Variants in OGDH observed in about 807,000 individuals in gnomAD.
OGDH encodes 2-oxoglutarate dehydrogenase complex component E1.
In OGDH, 38 loss-of-function variants were observed where a neutral mutation model predicts 116.6. The ratio of observed to expected loss-of-function variants is 0.33; its 90% CI spans 0.25 to 0.43. The LOEUF is 0.43. OGDH is among the 20% of genes least tolerant of loss of function. The pLI is 1.00. For synonymous variants in OGDH, 488 were observed against 533.3 expected (o/e 0.92, Z 1.17); for missense variants, 825 against 1,357.2 (o/e 0.61, Z 6.16).
intron 19 of OGDH, among the ~76,000 whole-genome samples, chr7:44,701,265 G>A (rs1006101392): frequency 2.6e-5 from 4 of 152,202 alleles, no homozygotes; most frequent in African/African-American, 9.7e-5. Context: ...CTCTTTCCTA[G>A]GTACAGAGAA....
At chr7:44,650,530 A>T (rs1355828061) in intron 4 of OGDH, among the ~76,000 whole-genome samples, 1 of 152,196 alleles carries the variant, frequency 6.6e-6, no homozygotes. Context: ...ACTATGCTCC[A>T]AGTGGGCTTA....
In OGDH at chr7:44,697,535, C is replaced by T; in HGVS notation, c.2179+38C>T. 1.2e-6 allele frequency: 2 copies of T among 1,613,256 alleles called. No homozygotes were observed. The highest frequency in any genetic ancestry group is 2.2e-5 in the East Asian group (1 of 44,846). On this transcript the variant is annotated intron_variant, in intron 16 of 22. Transcript: ENST00000222673. The surrounding 1 kb of genome is among the most constrained non-coding windows in gnomAD (Gnocchi z 6.0). ...AGCCACACCACCAGGGCCTGTCACC[C>T]ACCCACCCCCGCTGGGCCTACTGGC... is the stretch of plus-strand genomic sequence containing the variant.
At chr7:44,693,738 C>T (rs937826466) in intron 10 of OGDH, 87 bp from the exon 11 acceptor site, 86 of 1,232,106 alleles carry the variant, frequency 7.0e-5, no homozygotes, top group Middle Eastern at 6.1e-4. Flanking sequence ...ATGGCAAGTG[C>T]ATGCCATGCC....
At chr7:44,621,354 A>T (rs1320122063) in intron 1 of OGDH, among the ~76,000 whole-genome samples, 1 of 152,236 alleles carries the variant, frequency 6.6e-6, no homozygotes, top group Non-Finnish European at 1.5e-5. Flanking sequence ...GATTATAGGC[A>T]TGAGCCACCG....
chr7:44,611,326 T>C (rs1314740777), intron 1 of OGDH, among the ~76,000 whole-genome samples: 1 of 152,206 alleles, frequency 6.6e-6, no homozygotes, highest in Non-Finnish European at 1.5e-5. Context: ...TGGAGTGCAG[T>C]GGCACGATCT....
intron 2 of OGDH, among the ~76,000 whole-genome samples, chr7:44,639,510 T>C (rs1562630962): frequency 1.3e-5 from 2 of 149,394 alleles, no homozygotes; most frequent in South Asian, 4.2e-4. Context: ...CCTTTTTGAA[T>C]AAATAAACTT....
At chr7:44,646,459 G>A (rs1358129498) in intron 3 of OGDH, among the ~76,000 whole-genome samples, 7 of 152,218 alleles carry the variant, frequency 4.6e-5, no homozygotes. Context: ...TCTCTCCCTG[G>A]GGCAAGTGTA....
intron 2 of OGDH, among the ~76,000 whole-genome samples, chr7:44,631,178 T>G (rs1785425184): frequency 6.6e-6 from 1 of 152,210 alleles, no homozygotes; most frequent in Non-Finnish European, 1.5e-5. Flanking sequence ...AATCCACGTT[T>G]GGTTGAATCC....
At chr7:44,639,054 C>G (rs1289410034) in intron 2 of OGDH, among the ~76,000 whole-genome samples, 1 of 152,100 alleles carries the variant, frequency 6.6e-6, no homozygotes, top group Non-Finnish European at 1.5e-5. Flanking sequence ...GACAAACATC[C>G]CATGGAAAGA....
At chr7:44,614,335 T>C (rs1376130671) in intron 1 of OGDH, among the ~76,000 whole-genome samples, 2 of 150,804 alleles carry the variant, frequency 1.3e-5, no homozygotes, top group African/African-American at 4.9e-5. Context: ...TTGTATTGAG[T>C]TTTCTGAATT....
At chr7:44,664,839 G>A (rs1464256979) in intron 4 of OGDH, among the ~76,000 whole-genome samples, 1 of 152,174 alleles carries the variant, frequency 6.6e-6, no homozygotes, top group African/African-American at 2.4e-5. Context: ...AGGCTCAGCA[G>A]TATAGCCCAA....
Position 44,616,798 on chromosome 7 carries a change from T to TGTATATATAC in OGDH, c.-27-7519_-27-7518insGTATATATAC, listed in dbSNP as rs1784802771. On this transcript the variant is annotated intron_variant, in intron 1 of 22. Coordinates refer to ENST00000222673, the MANE Select transcript of OGDH (RefSeq NM_002541.4). Reference sequence around the variant, plus strand: ...ATGTGTATATGCATATATATATGTGTATATATATGCATATATACGTATATA... The same window carrying TGTATATATAC: ...ATGTGTATATGCATATATATATGTGTGTATATATACATATATATGCATATATACGTATATA... Among the ~76,000 whole-genome samples, 18 of 102,902 alleles carry TGTATATATAC rather than the reference T, an allele frequency of 1.7e-4. 1 individual carries two copies. In the South Asian group the frequency reaches 6.9e-3, roughly 39 times the overall value. 67.5% of individuals were successfully genotyped at this position (102,902 alleles called of 152,430 possible).
chr7:44,676,310 C>T (rs1787691687), intron 9 of OGDH, 161 bp downstream of exon 9: 2 of 1,481,984 alleles, frequency 1.3e-6, no homozygotes, highest in Non-Finnish European at 1.8e-6. Flanking sequence ...AATCCCAGCA[C>T]TTTGGGAGGC....
At chr7:44,687,659 G>T (rs1259662299) in intron 10 of OGDH, among the ~76,000 whole-genome samples, 6 of 152,014 alleles carry the variant, frequency 3.9e-5, no homozygotes, top group African/African-American at 1.5e-4. Context: ...CTGAGTTCAA[G>T]TGATCCACCC....
intron 2 of OGDH, among the ~76,000 whole-genome samples, chr7:44,636,003 G>C (rs759647224): frequency 1.3e-5 from 2 of 152,128 alleles, no homozygotes; most frequent in Non-Finnish European, 2.9e-5. Flanking sequence ...ACACCTGGCC[G>C]GACTTTATAA....
intron 5 of OGDH, among the ~76,000 whole-genome samples, chr7:44,670,454 A>G (rs944009377): frequency 6.6e-6 from 1 of 152,266 alleles, no homozygotes; most frequent in African/African-American, 2.4e-5. Flanking sequence ...CAAAGAGGGT[A>G]GGTCCTCTTT....
rs1406715251 is a variant in OGDH, at chr7:44,707,302, T to G, written c.2710T>G (p.Cys904Gly). 1 of 1,614,290 alleles carries G rather than the reference T, an allele frequency of 6.2e-7. No individual in the cohort carries two copies. Among genetic ancestry groups the G allele is most frequent in the South Asian group, 1.1e-5 (1 of 91,092 alleles). ...AGAAAATGTCAAAAGGCTTCTCTTC[T>G]GCACCGGCAAAGTGTATTATGACCT... ...NPENVKRLLF[C>G]TGKVYYDLTR... The change falls in exon 21 of 23, where the codon TGC (cysteine) becomes GGC (glycine). Residue 904 changes from cysteine to glycine, a missense_variant. This residue lies in a region of OGDH where 212 missense variants were observed against 284.3 expected (regional missense o/e 0.75). Transcript: ENST00000222673. This position sits in a 1 kb window ranked among gnomAD's most constrained non-coding sequence, Gnocchi z 5.2.
intron 20 of OGDH, among the ~76,000 whole-genome samples, chr7:44,704,652 C>A (rs1788982848): frequency 6.6e-6 from 1 of 151,882 alleles, no homozygotes; most frequent in Non-Finnish European, 1.5e-5. Flanking sequence ...ATGGGTTGTT[C>A]TTTTATTCTG....
At chr7:44,669,145 C>CTTGTTTTTTTTTTTTT in intron 5 of OGDH, among the ~76,000 whole-genome samples, 1 of 77,806 alleles carries the variant, frequency 1.3e-5, no homozygotes, top group East Asian at 5.3e-4. Context: ...AGCCCGGCAG[C>CTTGTTTTTTTTTTTTT]TTTTTTTTTT....
Sources: gnomAD v4.1 joint callset for allele counts (sites outside exome capture counted in the v4.1 genomes callset) on GRCh38, gnomAD v4.1.1 for gene constraint, gnomAD v4.1.1 regional missense constraint, Gnocchi (gnomAD v3.1) non-coding constraint, MANE v1.5 for transcripts, NCBI Gene and HGNC (gene_info 2026-07-23, HGNC 2026-07-21) for gene names.